The following UBE2F variants were observed in gnomAD, a reference collection of about 807,000 sequenced individuals.
The protein encoded by UBE2F is NEDD8-conjugating enzyme UBE2F.
In UBE2F, 5 loss-of-function variants were observed where a neutral mutation model predicts 29.6. The observed-to-expected ratio is 0.17, with a 90% confidence interval of 0.09 to 0.36. The LOEUF (loss-of-function observed/expected upper bound fraction) is 0.36. Ranked by LOEUF, UBE2F falls within the 10% of genes least tolerant of loss-of-function variation. The pLI, the probability that UBE2F is intolerant of heterozygous loss-of-function variation, is 1.00. For missense variants in UBE2F, 141 were observed against 228.5 expected (o/e 0.62, Z 2.47); for synonymous variants, 66 against 81.8 (o/e 0.81, Z 1.04).
rs750596076 is a variant in UBE2F, at chr2:238,030,578, G to A, written c.376G>A (p.Asp126Asn). 3 of 1,613,518 alleles carry A rather than the reference G, an allele frequency of 1.9e-6. No individual in the cohort carries two copies. The change falls in exon 7 of 10, where the codon GAT becomes AAT. Residue 126 changes from aspartate to asparagine, a missense_variant. Transcript: ENST00000272930. ...CAGTTTATTGAGAGAACATTCAATT[G>A]ATGGCACTGGCTGGGCTCCCACAAG... is the stretch of plus-strand genomic sequence containing the variant. ...CLSLLREHSIDGTGWAPTRTL... is the reference protein window; with the variant it reads ...CLSLLREHSINGTGWAPTRTL...
rs551601783 is a variant in UBE2F, at chr2:238,008,627, G to A, written c.215-7939G>A. Reference sequence around the variant, plus strand: ...CAAAGAACCTACTTTTAGGTTCATTGATTTTGCCCTGTTGTTTTTTGAATT... The same window carrying A: ...CAAAGAACCTACTTTTAGGTTCATTAATTTTGCCCTGTTGTTTTTTGAATT... On this transcript the variant is annotated intron_variant, in intron 4 of 9. Coordinates refer to ENST00000272930, the MANE Select transcript of UBE2F (RefSeq NM_080678.3). Among the ~76,000 whole-genome samples, 11 of 152,172 alleles carry A rather than the reference G, an allele frequency of 7.2e-5. No individual in the cohort carries two copies. The East Asian group carries it at 2.1e-3, about 29-fold the overall frequency.
At chr2:238,037,528 C>A (rs888317077) in intron 9 of UBE2F, among the ~76,000 whole-genome samples, 3 of 152,362 alleles carry the variant, frequency 2.0e-5, no homozygotes, top group Non-Finnish European at 2.9e-5. Flanking sequence ...GGTGGTAGAA[C>A]CTCGCACTCC....
chr2:237,974,638 A>G (rs1308656436), intron 2 of UBE2F, among the ~76,000 whole-genome samples: 4 of 146,888 alleles, frequency 2.7e-5, no homozygotes, highest in East Asian at 2.1e-4. Flanking sequence ...CTCAGCCTCC[A>G]TAGTAGCTGG....
chr2:238,025,483 T>C (rs1258300144), intron 6 of UBE2F, 71 bp downstream of exon 6: 2 of 1,361,186 alleles, frequency 1.5e-6, no homozygotes, highest in African/African-American at 1.4e-5. Flanking sequence ...TTTAAACATG[T>C]TGTCTCCTCT....
At chr2:237,973,543 C>A in intron 2 of UBE2F, 1 of 598,844 alleles carries the variant, frequency 1.7e-6, no homozygotes, top group Non-Finnish European at 2.7e-6. Flanking sequence ...TTCAGAGCTG[C>A]CATTATCTTC....
chr2:237,978,383 G>A (rs573676860), intron 2 of UBE2F, among the ~76,000 whole-genome samples: 12 of 152,332 alleles, frequency 7.9e-5, no homozygotes, highest in African/African-American at 2.9e-4. Flanking sequence ...TTGTCCCTGG[G>A]GAGGGGTGCG....
intron 2 of UBE2F, among the ~76,000 whole-genome samples, chr2:237,981,715 C>T (rs1036557001): frequency 1.5e-5 from 2 of 137,618 alleles, no homozygotes; most frequent in Non-Finnish European, 3.0e-5. Flanking sequence ...TAACCTCTGC[C>T]TCTTGGGCTC....
chr2:238,032,237 T>G lies in UBE2F; in HGVS notation c.427T>G (p.Leu143Val), dbSNP rs1303732535. Residue 143 changes from leucine to valine, a missense_variant, in exon 8 of 10, where the codon TTA becomes GTA. Transcript: ENST00000272930. ...TTTATTTCAGGATGTCGTTTGGGGA[T>G]TAAACTCTTTGTTTACTGTAAGTAC... ...TRTLKDVVWG[L>V]NSLFTDLLNF... 6.2e-7 allele frequency: 1 copy of G among 1,613,234 alleles called. No individual in the cohort carries two copies. The highest frequency in any genetic ancestry group is 2.2e-5 in the East Asian group (1 of 44,876).
chr2:238,034,924 G>T (rs2064671803), intron 8 of UBE2F, among the ~76,000 whole-genome samples: 1 of 151,212 alleles, frequency 6.6e-6, no homozygotes, highest in African/African-American at 2.4e-5. Context: ...ACCGAGTCTT[G>T]CTCTGTCACC....
Position 237,982,172 on chromosome 2 carries a change from G to A in UBE2F, c.119-5791G>A, listed in dbSNP as rs2106335248. On this transcript the variant is annotated intron_variant, in intron 2 of 9. Transcript: ENST00000272930. The surrounding 1 kb of genome is among the most constrained non-coding windows in gnomAD (Gnocchi z 4.1). Reference sequence around the variant, plus strand: ...GCAAAACACTCCCCGAGTGGCGAATGTGCAGCCAGGGCTTCCATTCCTTTC... The same window carrying A: ...GCAAAACACTCCCCGAGTGGCGAATATGCAGCCAGGGCTTCCATTCCTTTC... Among the ~76,000 whole-genome samples the A allele has an allele frequency of 6.6e-6, 1 of 152,328 alleles. No individual in the cohort carries two copies. The highest frequency in any genetic ancestry group is 2.4e-5 in the African/African-American group (1 of 41,578).
chr2:238,020,392 A>G (rs563243997), intron 5 of UBE2F, among the ~76,000 whole-genome samples: 1 of 152,290 alleles, frequency 6.6e-6, no homozygotes, highest in South Asian at 2.1e-4. Flanking sequence ...GCACACTCTG[A>G]GGGCACCAGG....
In UBE2F at chr2:237,967,121, C is replaced by T. The variant is rs941216068; in HGVS notation, c.-28C>T. On this transcript the variant is annotated 5_prime_UTR_variant, in exon 1 of 10. Transcript: ENST00000272930. This position sits in a 1 kb window ranked among gnomAD's most constrained non-coding sequence, Gnocchi z 6.3. ...GGCGCCGGGCCCGCCTCGCCTGTCT[C>T]GGGGAGCCCAGGTGAGGAGCGACCG... 1.5e-5 allele frequency: 20 copies of T among 1,334,656 alleles called. No homozygotes were observed. In the African/African-American group the frequency reaches 2.5e-4, roughly 16 times the overall value. The allele number at this position is 1,334,656 out of a possible 1,614,324, so 82.7% of individuals were successfully genotyped here. A position where few individuals can be genotyped will look rare whatever the true frequency, so the allele number is the denominator to read the frequency against.
At chr2:238,024,188 G>A (rs886828810) in intron 5 of UBE2F, among the ~76,000 whole-genome samples, 2 of 152,200 alleles carry the variant, frequency 1.3e-5, no homozygotes, top group African/African-American at 2.4e-5. Flanking sequence ...TTTCTGGGTA[G>A]CATTTTGATG....
rs924110426 is a variant in UBE2F at position 238,040,279 on chromosome 2, G to A, written c.508-1009G>A. Among the ~76,000 whole-genome samples, 22 of 152,236 alleles carry A rather than the reference G, an allele frequency of 1.4e-4. No individual in the cohort carries two copies. Among genetic ancestry groups the A allele is most frequent in the African/African-American group, 2.7e-4 (11 of 41,466 alleles). On this transcript the variant is annotated intron_variant, in intron 9 of 9. Transcript: ENST00000272930. This position sits in a 1 kb window ranked among gnomAD's most constrained non-coding sequence, Gnocchi z 4.4. ...CAGGATCTCCCTGCAAGAGGGCATC[G>A]CGGCAGCAGCGAGGTATACATCGAG...
Position 237,967,153 on chromosome 2 carries a change from T to C in UBE2F, c.-17+21T>C, listed in dbSNP as rs2063071312. Reference sequence around the variant, plus strand: ...CCCAGGTGAGGAGCGACCGTGCGGCTCTGCGGCGGGGCGAGGTGCGGCCGC... The same window carrying C: ...CCCAGGTGAGGAGCGACCGTGCGGCCCTGCGGCGGGGCGAGGTGCGGCCGC... On this transcript the variant is annotated intron_variant, in intron 1 of 9. Coordinates refer to ENST00000272930, the MANE Select transcript of UBE2F (RefSeq NM_080678.3). This position sits in a 1 kb window ranked among gnomAD's most constrained non-coding sequence, Gnocchi z 6.3. 8.2e-7 allele frequency: 1 copy of C among 1,212,354 alleles called. No individual in the cohort carries two copies. The highest frequency in any genetic ancestry group is 3.4e-5 in the South Asian group (1 of 29,812). 75.1% of individuals were successfully genotyped at this position (1,212,354 alleles called of 1,614,324 possible).
At chr2:237,978,692 T>A (rs189912382) in intron 2 of UBE2F, among the ~76,000 whole-genome samples, 199 of 152,262 alleles carry the variant, frequency 1.3e-3, no homozygotes, top group African/African-American at 4.6e-3. Context: ...TGTAGAATGA[T>A]GAGTGTTTTG....
intron 6 of UBE2F, among the ~76,000 whole-genome samples, chr2:238,026,541 C>G (rs1277752102): frequency 6.6e-6 from 1 of 152,172 alleles, no homozygotes; most frequent in Non-Finnish European, 1.5e-5. Context: ...TCACGCCATT[C>G]TCCTGCCTCA....
intron 7 of UBE2F, among the ~76,000 whole-genome samples, chr2:238,031,219 C>T (rs1488431815): frequency 6.6e-6 from 1 of 152,254 alleles, no homozygotes; most frequent in Non-Finnish European, 1.5e-5. Context: ...ATGTCCTGCC[C>T]TCTCAGAACT....
At chr2:238,026,859 C>G (rs1314543478) in intron 6 of UBE2F, among the ~76,000 whole-genome samples, 1 of 152,184 alleles carries the variant, frequency 6.6e-6, no homozygotes. Context: ...ACCAGACATA[C>G]CTTTTTAAAA....
Sources: gnomAD v4.1 joint callset for allele counts (sites outside exome capture counted in the v4.1 genomes callset) on GRCh38, gnomAD v4.1.1 for gene constraint, Gnocchi (gnomAD v3.1) non-coding constraint, MANE v1.5 for transcripts, NCBI Gene and HGNC (gene_info 2026-07-23, HGNC 2026-07-21) for gene names.